The following SEMA5A variants were observed in gnomAD, a reference collection of about 807,000 sequenced individuals.
SEMA5A encodes semaphorin 5A.
In SEMA5A, 55 loss-of-function variants were observed where a neutral mutation model predicts 135.5. The observed-to-expected ratio is 0.41, with a 90% CI of 0.33 to 0.51. SEMA5A has a LOEUF of 0.51. Ranked by LOEUF, SEMA5A falls within the 20% of genes least tolerant of loss-of-function variation. The pLI, the probability that SEMA5A is intolerant of heterozygous loss-of-function variation, is 0.37. For missense variants in SEMA5A, 1,290 were observed against 1,419.9 expected, an observed-to-expected ratio of 0.91 and a Z score of 1.47; for synonymous variants, 580 against 546.5, an observed-to-expected ratio of 1.06 and a Z score of -0.85.
At chr5:9,251,175 T>C (rs982582669) in intron 5 of SEMA5A, among the ~76,000 whole-genome samples, 2 of 152,148 alleles carry the variant, frequency 1.3e-5, no homozygotes, top group Non-Finnish European at 2.9e-5. Flanking sequence ...ATGCCTTCCA[T>C]ACTAGGATGA....
chr5:9,188,505 C>CT (rs1744925697), intron 11 of SEMA5A, among the ~76,000 whole-genome samples: 1 of 152,158 alleles, frequency 6.6e-6, no homozygotes, highest in African/African-American at 2.4e-5. Context: ...CCTCAGGCTG[C>CT]TCTTCACTGA....
intron 11 of SEMA5A, among the ~76,000 whole-genome samples, chr5:9,170,882 C>A (rs1169860921): frequency 1.3e-5 from 2 of 152,148 alleles, no homozygotes; most frequent in Non-Finnish European, 2.9e-5. Context: ...GAGTTTCCAG[C>A]CATCCTTTGG....
intron 5 of SEMA5A, among the ~76,000 whole-genome samples, chr5:9,299,561 A>C (rs1404661980): frequency 2.6e-5 from 4 of 152,110 alleles, no homozygotes; most frequent in Non-Finnish European, 4.4e-5. Context: ...GGAGAGGAAG[A>C]CTTGGCAGAA....
chr5:9,280,440 C>G (rs1750483609), intron 5 of SEMA5A, among the ~76,000 whole-genome samples: 1 of 152,172 alleles, frequency 6.6e-6, no homozygotes, highest in African/African-American at 2.4e-5. Flanking sequence ...AGGACTTGGC[C>G]CAGGTCACAC....
At chr5:9,336,112 C>G (rs369784227) in intron 4 of SEMA5A, among the ~76,000 whole-genome samples, 1 of 152,046 alleles carries the variant, frequency 6.6e-6, no homozygotes, top group African/African-American at 2.4e-5. Flanking sequence ...GGGAGTTTAC[C>G]AAGCAGATAA....
intron 12 of SEMA5A, among the ~76,000 whole-genome samples, chr5:9,150,119 G>T (rs1400065587): frequency 1.3e-5 from 2 of 152,156 alleles, no homozygotes; most frequent in African/African-American, 2.4e-5. Flanking sequence ...GATTACAGGT[G>T]TGAGTCACCA....
intron 11 of SEMA5A, among the ~76,000 whole-genome samples, chr5:9,182,623 C>CA (rs1744584248): frequency 6.6e-6 from 1 of 151,842 alleles, no homozygotes; most frequent in Non-Finnish European, 1.5e-5. Flanking sequence ...CTGAGCATGC[C>CA]ATGCTCACCT....
At chr5:9,178,258 T>A (rs951219358) in intron 11 of SEMA5A, among the ~76,000 whole-genome samples, 10 of 152,050 alleles carry the variant, frequency 6.6e-5, no homozygotes. Context: ...ATTTGCACAC[T>A]TGGGTCTTAC....
intron 2 of SEMA5A, among the ~76,000 whole-genome samples, chr5:9,417,158 C>G (rs1757309994): frequency 6.6e-6 from 1 of 152,204 alleles, no homozygotes; most frequent in African/African-American, 2.4e-5. Context: ...TGAATTCTCT[C>G]CTGTATTATT....
chr5:9,346,314 C>A (rs1753866092), intron 3 of SEMA5A, among the ~76,000 whole-genome samples: 1 of 152,108 alleles, frequency 6.6e-6, no homozygotes, highest in Non-Finnish European at 1.5e-5. Flanking sequence ...CCACTGAGAC[C>A]CACTTTCATT....
At chr5:9,179,014 G>T (rs960712575) in intron 11 of SEMA5A, among the ~76,000 whole-genome samples, 2 of 152,156 alleles carry the variant, frequency 1.3e-5, no homozygotes, top group Admixed American at 6.5e-5. Context: ...TAGAAGTAGA[G>T]ATTAGACTTA....
chr5:9,257,501 C>T (rs74662013), intron 5 of SEMA5A, among the ~76,000 whole-genome samples: 1,527 of 151,810 alleles, frequency 0.01, 19 homozygotes, highest in African/African-American at 0.031. Context: ...AAATGAAGTG[C>T]AAGCTCCCAT....
At chr5:9,123,841 G>A (rs1740961283) in intron 13 of SEMA5A, among the ~76,000 whole-genome samples, 1 of 152,152 alleles carries the variant, frequency 6.6e-6, no homozygotes, top group African/African-American at 2.4e-5. Context: ...GAAACAGCTA[G>A]ACACATAACT....
chr5:9,153,781 CAA>C (rs942990410), intron 12 of SEMA5A, among the ~76,000 whole-genome samples: 4 of 151,908 alleles, frequency 2.6e-5, no homozygotes, highest in African/African-American at 9.7e-5. Flanking sequence ...TGCAGTAGCT[CAA>C]GCCTGTAATC....
intron 5 of SEMA5A, among the ~76,000 whole-genome samples, chr5:9,294,515 C>A (rs928257037): frequency 6.6e-6 from 1 of 152,202 alleles, no homozygotes; most frequent in Non-Finnish European, 1.5e-5. Context: ...CATGTCAACA[C>A]CTATTGTGCT....
In SEMA5A at chr5:9,226,983, T is replaced by A; in HGVS notation, c.334-16A>T. 1 of 1,330,628 alleles carries A rather than the reference T, an allele frequency of 7.5e-7. No homozygotes were observed. The highest frequency in any genetic ancestry group is 1.8e-5 in the South Asian group (1 of 55,522). 82.4% of individuals were successfully genotyped at this position (1,330,628 alleles called of 1,614,324 possible). A position where few individuals can be genotyped will look rare whatever the true frequency, so the allele number is the denominator to read the frequency against. On this transcript the variant is annotated splice_polypyrimidine_tract_variant and intron_variant, in intron 6 of 22. Transcript: ENST00000382496. The stretch of plus-strand genomic sequence containing the variant: ...GACATTCCTCCTGAGGGAAAATAAA[T>A]AAATTAATTAAAAATATATATATAT...
At chr5:9,524,340 T>C (rs562959453) in intron 1 of SEMA5A, among the ~76,000 whole-genome samples, 23 of 152,280 alleles carry the variant, frequency 1.5e-4, no homozygotes, top group African/African-American at 5.5e-4. Flanking sequence ...AAGATCATAC[T>C]GGATTAGAGT....
intron 6 of SEMA5A, among the ~76,000 whole-genome samples, chr5:9,234,336 C>T (rs1747792221): frequency 6.6e-6 from 1 of 152,180 alleles, no homozygotes; most frequent in South Asian, 2.1e-4. Context: ...GGTCAGCCAG[C>T]TTGGTCACAT....
intron 1 of SEMA5A, among the ~76,000 whole-genome samples, chr5:9,518,653 AT>A (rs1404552073): frequency 6.6e-5 from 10 of 152,242 alleles, no homozygotes; most frequent in African/African-American, 2.4e-4. Context: ...GTGTTCTCCC[AT>A]TTATCTGTTT....
Sources: allele counts gnomAD v4.1 joint callset (sites outside exome capture counted in the v4.1 genomes callset), GRCh38; gene constraint gnomAD v4.1.1; transcripts MANE v1.5; gene names NCBI Gene and HGNC (gene_info 2026-07-23, HGNC 2026-07-21).